The following SMPDL3B variants were observed in gnomAD, a reference collection of about 807,000 sequenced individuals.
SMPDL3B encodes the protein sphingomyelin phosphodiesterase acid like 3B.
Under a neutral mutation model 37.9 loss-of-function variants are expected in SMPDL3B, and 31 were observed. The ratio of observed to expected loss-of-function variants is 0.82; its 90% CI spans 0.61 to 1.10. The LOEUF (loss-of-function observed/expected upper bound fraction) is 1.10. Among genes scored for constraint, SMPDL3B ranks in the 50% least tolerant of loss-of-function variants. The probability of loss-of-function intolerance (pLI) is 0.00; values close to 1 mark genes in which losing one functional copy is unlikely to be tolerated. For missense variants in SMPDL3B, 525 were observed against 597.8 expected, an observed-to-expected ratio of 0.88 and a Z score of 1.27; for synonymous variants, 235 against 242.6, an observed-to-expected ratio of 0.97 and a Z score of 0.29.
At chr1:27,955,617 T>G in intron 5 of SMPDL3B, 67 bp from the exon 6 acceptor site, 2 of 1,505,718 alleles carry the variant, frequency 1.3e-6, no homozygotes, top group Non-Finnish European at 1.8e-6. Flanking sequence ...TTGCAGGTTT[T>G]GAGAAGTAGA....
chr1:27,955,128 T>C (rs1345780922), intron 5 of SMPDL3B, among the ~76,000 whole-genome samples: 1 of 152,208 alleles, frequency 6.6e-6, no homozygotes, highest in Non-Finnish European at 1.5e-5. Flanking sequence ...CCACCAGCTA[T>C]GTGCTATTCC....
chr1:27,935,854 C>T (rs2090303518), intron 1 of SMPDL3B, among the ~76,000 whole-genome samples: 2 of 151,988 alleles, frequency 1.3e-5, no homozygotes, highest in Admixed American at 1.3e-4. Context: ...CAGAACATTA[C>T]AGGAAGAGAG....
intron 1 of SMPDL3B, among the ~76,000 whole-genome samples, chr1:27,940,740 C>T (rs751735377): frequency 6.6e-6 from 1 of 152,090 alleles, no homozygotes; most frequent in Non-Finnish European, 1.5e-5. Flanking sequence ...GTAAAAGGTC[C>T]AAGCAGTGCG....
In SMPDL3B at chr1:27,954,392, G is replaced by A. The variant is rs2090480606; in HGVS notation, c.556G>A (p.Ala186Thr). 5.0e-6 allele frequency: 8 copies of A among 1,614,002 alleles called. No homozygotes were observed. The highest frequency in any genetic ancestry group is 6.8e-6 in the Non-Finnish European group (8 of 1,180,020). ...YCEKLPGPSG[A>T]GRIVVLNTNL... The stretch of plus-strand genomic sequence containing the variant: ...TGAGAAGCTGCCGGGTCCCAGCGGG[G>A]CTGGGCGAATTGTGGTCCTCAACAC... Residue 186 changes from alanine to threonine, a missense_variant, in exon 5 of 8, where the codon GCT (alanine) becomes ACT (threonine). Physicochemically the swap from Ala to Thr is moderately conservative, Grantham distance 58. Coordinates refer to ENST00000373894, the MANE Select transcript of SMPDL3B (RefSeq NM_014474.4).
chr1:27,958,792 C>T lies in SMPDL3B; in HGVS notation c.1322C>T (p.Pro441Leu), dbSNP rs373422202. Reference protein sequence around the residue: ...ASGTTPVPQLPLLLMALLGLC... With the variant: ...ASGTTPVPQLLLLLMALLGLC... ...GGCACCACGCCCGTGCCCCAGCTCC[C>T]GCTGCTGCTGATGGCCCTGCTGGGC... Residue 441 changes from proline (P) to leucine (L), a missense_variant, in exon 8 of 8, where the codon CCG becomes CTG. Physicochemically the swap from Pro to Leu is moderately conservative, Grantham distance 98 (BLOSUM62 -3). Coordinates refer to ENST00000373894, the MANE Select transcript of SMPDL3B (RefSeq NM_014474.4). The surrounding 1 kb of genome is among the most constrained non-coding windows in gnomAD (Gnocchi z 5.6). 8.1e-6 allele frequency: 13 copies of T among 1,607,614 alleles called. No individual in the cohort carries two copies. Among genetic ancestry groups the T allele is most frequent in the South Asian group, 5.5e-5 (5 of 90,810 alleles).
chr1:27,958,861 TGGTAACG>T lies in SMPDL3B; in HGVS notation c.*33_*39del. 1 of 1,545,996 alleles carries T rather than the reference TGGTAACG, an allele frequency of 6.5e-7. No individual in the cohort carries two copies. The highest frequency in any genetic ancestry group is 8.8e-7 in the Non-Finnish European group (1 of 1,142,372). On this transcript the variant is annotated 3_prime_UTR_variant, in exon 8 of 8. Coordinates refer to ENST00000373894, the MANE Select transcript of SMPDL3B (RefSeq NM_014474.4). This position sits in a 1 kb window ranked among gnomAD's most constrained non-coding sequence, Gnocchi z 5.6. ...TGACCTGCCAGGCTCACCTTCTTCC[TGGTAACG>T]GGTAACGGGGGCAGCGCCCAGGATC...
At chr1:27,939,114 A>G (rs966888575) in intron 1 of SMPDL3B, 6 of 152,144 alleles carry the variant, frequency 3.9e-5, no homozygotes, top group African/African-American at 1.4e-4. Flanking sequence ...TGCATTTCAT[A>G]ATGTTGTCAT....
At chr1:27,940,164 C>G (rs898707886) in intron 1 of SMPDL3B, among the ~76,000 whole-genome samples, 2 of 152,164 alleles carry the variant, frequency 1.3e-5, no homozygotes, top group South Asian at 2.1e-4. Flanking sequence ...GGAGGCGGGC[C>G]AGGACACTTT....
rs1475655763 is a variant in SMPDL3B, at chr1:27,946,326, C to T, written c.275+881C>T. Among the ~76,000 whole-genome samples, 5 of 151,736 alleles carry T rather than the reference C, an allele frequency of 3.3e-5. No homozygotes were observed. The South Asian group carries it at 6.3e-4, about 19-fold the overall frequency. On this transcript the variant is annotated intron_variant, in intron 2 of 7. Transcript: ENST00000373894. ...CAAGATCACACCACTACACTCCCAGCCTGAGTGACACAGCAAGACTCTGTC... is the reference window on the plus strand; with the variant it reads ...CAAGATCACACCACTACACTCCCAGTCTGAGTGACACAGCAAGACTCTGTC...
intron 3 of SMPDL3B, among the ~76,000 whole-genome samples, chr1:27,949,927 A>G (rs1448766034): frequency 6.6e-6 from 1 of 152,000 alleles, no homozygotes; most frequent in African/African-American, 2.4e-5. Context: ...TAATGGCACT[A>G]GCAGCAGTTA....
chr1:27,947,653 G>GTT (rs548126184), intron 2 of SMPDL3B, among the ~76,000 whole-genome samples: 20 of 106,154 alleles, frequency 1.9e-4, no homozygotes, highest in Admixed American at 2.8e-4. Flanking sequence ...GTGTTTTTTT[G>GTT]TTTTTTTTTT....
In SMPDL3B at chr1:27,955,776, G is replaced by A; in HGVS notation, c.783G>A (p.Lys261=). The change falls in exon 6 of 8, where the codon AAG becomes AAA. Residue 261 remains lysine, a synonymous_variant. Transcript: ENST00000373894. ...FREGFNEKYL[K]VVRKHHRVIA... Reference sequence around the variant, plus strand: ...AGGGCTTCAATGAAAAATACCTGAAGGTGGTCCGGAAGCATCATCGCGTCA... The same window carrying A: ...AGGGCTTCAATGAAAAATACCTGAAAGTGGTCCGGAAGCATCATCGCGTCA... 1 of 1,614,128 alleles carries A rather than the reference G, an allele frequency of 6.2e-7. No individual in the cohort carries two copies. Among genetic ancestry groups the A allele is most frequent in the Non-Finnish European group, 8.5e-7 (1 of 1,180,030 alleles).
Position 27,959,043 on chromosome 1 carries a change from C to A in SMPDL3B, c.*205C>A. 2 of 581,700 alleles carry A rather than the reference C, an allele frequency of 3.4e-6. No individual in the cohort carries two copies. Among genetic ancestry groups the A allele is most frequent in the Non-Finnish European group, 3.0e-6 (1 of 335,626 alleles). 36.0% of individuals were successfully genotyped at this position (581,700 alleles called of 1,614,324 possible). A position where few individuals can be genotyped will look rare whatever the true frequency, so the allele number is the denominator to read the frequency against. ...CTGGGTGACAAAGCCAGACTCTCTCCAAAAACAAACCAGAAACAGAAAAGA... is the reference window on the plus strand; with the variant it reads ...CTGGGTGACAAAGCCAGACTCTCTCAAAAAACAAACCAGAAACAGAAAAGA... On this transcript the variant is annotated 3_prime_UTR_variant, in exon 8 of 8. Coordinates refer to ENST00000373894, the MANE Select transcript of SMPDL3B (RefSeq NM_014474.4).
At position 27,945,176 on chromosome 1, in the gene SMPDL3B, T is replaced by G. The variant is rs2090395448; in HGVS notation, c.62-56T>G. 1.9e-6 allele frequency: 3 copies of G among 1,573,720 alleles called. 1 individual carries two copies. The Middle Eastern group carries it at 5.3e-4, about 280-fold the overall frequency. ...AGCCCAGGGCTCCCCTGGACTTCCT[T>G]GCTTCCAGGCTGAGAGAGAGACCAG... On this transcript the variant is annotated intron_variant, in intron 1 of 7. Transcript: ENST00000373894. This position sits in a 1 kb window ranked among gnomAD's most constrained non-coding sequence, Gnocchi z 4.0.
chr1:27,955,025 T>C (rs1300839064), intron 5 of SMPDL3B, among the ~76,000 whole-genome samples: 1 of 152,140 alleles, frequency 6.6e-6, no homozygotes, highest in South Asian at 2.1e-4. Context: ...TATGCCAACA[T>C]TGGGCACGTT....
At chr1:27,954,270 A>G (rs2090478854) in intron 4 of SMPDL3B, 84 bp from the exon 5 acceptor site, 2 of 1,286,068 alleles carry the variant, frequency 1.6e-6, no homozygotes, top group African/African-American at 1.5e-5. Context: ...ACGGAAAAAG[A>G]AAGTGGGACA....
chr1:27,955,454 GA>G (rs1014554908), intron 5 of SMPDL3B, among the ~76,000 whole-genome samples: 7 of 152,194 alleles, frequency 4.6e-5, no homozygotes, highest in Admixed American at 3.9e-4. Flanking sequence ...TTACAGAAGT[GA>G]AAAGGAGAAG....
At chr1:27,946,249 A>G (rs1340419883) in intron 2 of SMPDL3B, among the ~76,000 whole-genome samples, 2 of 151,870 alleles carry the variant, frequency 1.3e-5, no homozygotes, top group Non-Finnish European at 2.9e-5. Context: ...GCTACTCGGG[A>G]GGCTGAGGCA....
At chr1:27,947,654 T>TTC (rs1303466918) in intron 2 of SMPDL3B, among the ~76,000 whole-genome samples, 1 of 55,266 alleles carries the variant, frequency 1.8e-5, no homozygotes, top group East Asian at 6.7e-4. Flanking sequence ...TGTTTTTTTG[T>TTC]TTTTTTTTTT....
Sources: gnomAD v4.1 joint callset for allele counts (sites outside exome capture counted in the v4.1 genomes callset) on GRCh38, gnomAD v4.1.1 for gene constraint, Gnocchi (gnomAD v3.1) non-coding constraint, MANE v1.5 for transcripts, NCBI Gene and HGNC (gene_info 2026-07-23, HGNC 2026-07-21) for gene names.